Variants in ACVR2A observed in about 807,000 individuals in gnomAD.
The protein encoded by ACVR2A is activin A receptor type 2A.
ACVR2A carries 7 observed loss-of-function variants against 61.4 expected under a neutral mutation model. The observed-to-expected ratio is 0.11, with a 90% CI of 0.06 to 0.21. The LOEUF (loss-of-function observed/expected upper bound fraction) is 0.21, where lower values mean the gene tolerates loss of function less well. Among genes scored for constraint, ACVR2A ranks in the 10% least tolerant of loss-of-function variants. The pLI is 1.00. For synonymous variants in ACVR2A, 193 were observed against 208.3 expected (o/e 0.93, Z 0.63); for missense variants, 322 against 621.7 (o/e 0.52, Z 5.13).
At chr2:147,923,183 C>A in intron 9 of ACVR2A, 72 bp downstream of exon 9, 1 of 1,460,468 alleles carries the variant, frequency 6.8e-7, no homozygotes, top group Non-Finnish European at 9.2e-7. Flanking sequence ...ATGATACACT[C>A]CAAGGTAATA....
intron 1 of ACVR2A, among the ~76,000 whole-genome samples, chr2:147,873,504 C>T (rs1181813959): frequency 6.6e-6 from 1 of 151,848 alleles, no homozygotes; most frequent in Non-Finnish European, 1.5e-5. Context: ...TGGCTAGTGG[C>T]TACTGTATTG....
At chr2:147,926,335 A>G (rs942247204) in intron 10 of ACVR2A, among the ~76,000 whole-genome samples, 174 bp downstream of exon 10, 3 of 151,830 alleles carry the variant, frequency 2.0e-5, no homozygotes, top group African/African-American at 7.2e-5. Flanking sequence ...ATACCCCTGA[A>G]GGTGATTGTA....
At chr2:147,889,397 C>A (rs566379740) in intron 1 of ACVR2A, among the ~76,000 whole-genome samples, 2 of 151,994 alleles carry the variant, frequency 1.3e-5, no homozygotes, top group East Asian at 3.9e-4. Context: ...TTTTAAAAAA[C>A]AAAACTTGAA....
At chr2:147,907,254 G>T (rs779972750) in intron 4 of ACVR2A, among the ~76,000 whole-genome samples, 4 of 152,024 alleles carry the variant, frequency 2.6e-5, no homozygotes, top group Non-Finnish European at 5.9e-5. Context: ...TGGGCATTTG[G>T]GTTGGTTCCA....
chr2:147,924,057 T>C (rs1573715586), intron 9 of ACVR2A, among the ~76,000 whole-genome samples: 1 of 152,126 alleles, frequency 6.6e-6, no homozygotes, highest in African/African-American at 2.4e-5. Context: ...GATTGAGGGA[T>C]TGGCTTGGGA....
rs532855916 is a variant in ACVR2A at position 147,868,243 on chromosome 2, G to A, written c.55+23036G>A. Among the ~76,000 whole-genome samples the A allele has an allele frequency of 4.6e-5, 7 of 152,280 alleles. No homozygotes were observed. The South Asian group carries it at 1.2e-3, about 27-fold the overall frequency. ...GGATGTCACCAAGTTCCCTTTGATG[G>A]GGAAGAGGATTCTGTACAGAGTGGC... On this transcript the variant is annotated intron_variant, in intron 1 of 10. Coordinates refer to ENST00000241416, the MANE Select transcript of ACVR2A (RefSeq NM_001616.5).
chr2:147,885,740 T>C (rs1686414677), intron 1 of ACVR2A, among the ~76,000 whole-genome samples: 1 of 152,144 alleles, frequency 6.6e-6, no homozygotes, highest in South Asian at 2.1e-4. Context: ...AGATGATACT[T>C]GGTGAAGATG....
intron 1 of ACVR2A, among the ~76,000 whole-genome samples, chr2:147,895,156 A>G (rs1036345512): frequency 1.3e-5 from 2 of 152,186 alleles, no homozygotes; most frequent in Admixed American, 1.3e-4. Context: ...AAATTTATCA[A>G]AACTTACATA....
In ACVR2A at chr2:147,905,420, A is replaced by AT. The variant is rs36031861; in HGVS notation, c.528+5532dup. On this transcript the variant is annotated intron_variant, in intron 4 of 10. Coordinates refer to ENST00000241416, the MANE Select transcript of ACVR2A (RefSeq NM_001616.5). ...TTGTATATTTAAGGTGTACAATGTG[A>AT]TTTTTTTTTTAAGCTTAGAGTTTGT... Among the ~76,000 whole-genome samples, 365 of 149,878 alleles carry AT rather than the reference A, an allele frequency of 2.4e-3. 2 individuals carry two copies. Among genetic ancestry groups the AT allele is most frequent in the African/African-American group, 6.6e-3 (269 of 40,936 alleles).
intron 4 of ACVR2A, among the ~76,000 whole-genome samples, chr2:147,913,441 C>G (rs531878983): frequency 6.6e-6 from 1 of 152,046 alleles, no homozygotes; most frequent in South Asian, 2.1e-4. Context: ...TATCTCTCTA[C>G]CTTTCTAACA....
Position 147,868,658 on chromosome 2 carries a change from G to C in ACVR2A, c.55+23451G>C, listed in dbSNP as rs1399270298. Among the ~76,000 whole-genome samples, 4 of 151,016 alleles carry C rather than the reference G, an allele frequency of 2.6e-5. No homozygotes were observed. In the South Asian group the frequency reaches 8.4e-4, roughly 32 times the overall value. ...ATTTATTTATTTATTTAGAGACAGGGTCTCCTTCTGTAGCCCAGGCTGGAG... is the reference window on the plus strand; with the variant it reads ...ATTTATTTATTTATTTAGAGACAGGCTCTCCTTCTGTAGCCCAGGCTGGAG... On this transcript the variant is annotated intron_variant, in intron 1 of 10. Transcript: ENST00000241416.
At chr2:147,906,206 A>G (rs1273798211) in intron 4 of ACVR2A, among the ~76,000 whole-genome samples, 3 of 152,054 alleles carry the variant, frequency 2.0e-5, no homozygotes, top group East Asian at 1.9e-4. Context: ...AATTAAGATA[A>G]TAGAAATGAA....
At chr2:147,918,380 GAAA>G (rs1278712250) in intron 6 of ACVR2A, 64 bp from the exon 7 acceptor site, 1 of 1,397,560 alleles carries the variant, frequency 7.2e-7, no homozygotes, top group East Asian at 2.5e-5. Context: ...TAGGTAAAAA[GAAA>G]AGTCTCCTTA....
At chr2:147,922,906 T>TA in intron 8 of ACVR2A, 67 bp from the exon 9 acceptor site, 1 of 1,540,150 alleles carries the variant, frequency 6.5e-7, no homozygotes, top group Non-Finnish European at 8.8e-7. Context: ...TGATTCATCT[T>TA]ACAAAATCAT....
intron 1 of ACVR2A, among the ~76,000 whole-genome samples, chr2:147,893,727 G>GT (rs1686648904): frequency 6.6e-6 from 1 of 152,076 alleles, no homozygotes; most frequent in African/African-American, 2.4e-5. Context: ...ATTGGACAGT[G>GT]TTTTTTCCTA....
chr2:147,868,961 G>T (rs1685944457), intron 1 of ACVR2A, among the ~76,000 whole-genome samples: 2 of 151,910 alleles, frequency 1.3e-5, no homozygotes, highest in Non-Finnish European at 2.9e-5. Flanking sequence ...CCTTCCTAAA[G>T]ATAAGATGTT....
chr2:147,898,609 G>A (rs1436625845), intron 2 of ACVR2A, among the ~76,000 whole-genome samples: 2 of 151,814 alleles, frequency 1.3e-5, no homozygotes, highest in African/African-American at 2.4e-5. Context: ...TATCAAAAAA[G>A]TTCAGTTTGT....
intron 1 of ACVR2A, among the ~76,000 whole-genome samples, chr2:147,882,159 G>A (rs769453619): frequency 6.6e-6 from 1 of 152,170 alleles, no homozygotes; most frequent in Non-Finnish European, 1.5e-5. Flanking sequence ...TTTATTTGGA[G>A]CCATCTATGT....
chr2:147,852,787 A>G (rs1685478975), intron 1 of ACVR2A, among the ~76,000 whole-genome samples: 1 of 152,078 alleles, frequency 6.6e-6, no homozygotes, highest in Non-Finnish European at 1.5e-5. Context: ...TATGAAGGAA[A>G]AGACACAAAA....
Sources: gnomAD v4.1 joint callset for allele counts (sites outside exome capture counted in the v4.1 genomes callset) on GRCh38, gnomAD v4.1.1 for gene constraint, MANE v1.5 for transcripts, NCBI Gene and HGNC (gene_info 2026-07-23, HGNC 2026-07-21) for gene names.